NDUFAF7: variants seen among roughly 807,000 people sequenced by gnomAD.
NDUFAF7 encodes protein arginine methyltransferase NDUFAF7, mitochondrial.
NDUFAF7 carries 48 observed loss-of-function variants against 47.2 expected under a neutral mutation model. The observed-to-expected ratio is 1.02, with a 90% CI of 0.81 to 1.29. NDUFAF7 has a LOEUF of 1.29. Ranked by LOEUF, NDUFAF7 falls within the 50% of genes most tolerant of loss-of-function variation. The pLI is 0.00. For synonymous variants in NDUFAF7, 217 were observed against 190.0 expected (o/e 1.14, Z -1.17); for missense variants, 635 against 537.6 (o/e 1.18, Z -1.79).
Position 37,232,272 on chromosome 2 carries a change from G to T in NDUFAF7, c.216+6G>T. 2 of 1,612,592 alleles carry T rather than the reference G, an allele frequency of 1.2e-6. No homozygotes were observed. Among genetic ancestry groups the T allele is most frequent in the South Asian group, 1.1e-5 (1 of 91,002 alleles). On this transcript the variant is annotated splice_donor_region_variant and intron_variant, in intron 2 of 9. Coordinates refer to ENST00000002125, the MANE Select transcript of NDUFAF7 (RefSeq NM_144736.5). ...TGTTGACTAATCCAGCCAAGGTATGGGTCGGGTAGCCCGAGGACTAGGCCC... is the reference window on the plus strand; with the variant it reads ...TGTTGACTAATCCAGCCAAGGTATGTGTCGGGTAGCCCGAGGACTAGGCCC...
chr2:37,253,476 T>C (rs941525399), downstream of NDUFAF7: 1 of 730,106 alleles, frequency 1.4e-6, no homozygotes. Flanking sequence ...GCGCTACTCA[T>C]AAGTATCTAC....
chr2:37,256,791 C>G (rs1667988749), downstream of NDUFAF7: 7 of 1,614,046 alleles, frequency 4.3e-6, no homozygotes, highest in Non-Finnish European at 5.1e-6. Flanking sequence ...ATAACTCCCA[C>G]TGACCACATA....
chr2:37,258,204 G>A (rs930644224), downstream of NDUFAF7, among the ~76,000 whole-genome samples: 1 of 152,202 alleles, frequency 6.6e-6, no homozygotes, highest in African/African-American at 2.4e-5. Flanking sequence ...CCTAGAAAAC[G>A]AAGTGAAGTT....
In NDUFAF7 at chr2:37,248,002, T is replaced by G. The variant is rs180675299; in HGVS notation, c.1111-133T>G. 1.7e-3 allele frequency: 1,335 copies of G among 780,690 alleles called. 11 individuals carry two copies. The highest frequency in any genetic ancestry group is 0.012 in the Admixed American group (544 of 46,032). 48.4% of individuals were successfully genotyped at this position (780,690 alleles called of 1,614,324 possible). ...TACATTTTTAATAAGTACTCTATGA[T>G]TCTCAGGCAGGTAATCAGAAGTCAC... On this transcript the variant is annotated intron_variant, in intron 9 of 9. Coordinates refer to ENST00000002125, the MANE Select transcript of NDUFAF7 (RefSeq NM_144736.5).
intron 7 of NDUFAF7, among the ~76,000 whole-genome samples, chr2:37,244,989 G>A (rs566173286): frequency 2.0e-5 from 3 of 152,330 alleles, no homozygotes; most frequent in Admixed American, 6.5e-5. Flanking sequence ...TTGAAGAGTA[G>A]CCTAAGATAG....
At chr2:37,238,597 A>T (rs1666037940) in intron 4 of NDUFAF7, among the ~76,000 whole-genome samples, 1 of 151,704 alleles carries the variant, frequency 6.6e-6, no homozygotes, top group Non-Finnish European at 1.5e-5. Context: ...TTTATATTAA[A>T]AAAAAAAAAA....
the NDUFAF7 span, chr2:37,268,570 G>A: frequency 4.0e-6 from 1 of 252,782 alleles, no homozygotes; most frequent in Non-Finnish European, 7.9e-6. Flanking sequence ...GAAGTATGTT[G>A]GGTAGCAGGA....
At chr2:37,256,228 T>C (rs568529513), downstream of NDUFAF7, among the ~76,000 whole-genome samples, 32 of 151,896 alleles carry the variant, frequency 2.1e-4, no homozygotes, top group South Asian at 6.7e-3. Flanking sequence ...TAGGGAGTAG[T>C]GGGAGATGAG....
chr2:37,260,141 G>GT, the NDUFAF7 span: 1 of 1,293,238 alleles, frequency 7.7e-7, no homozygotes, highest in Non-Finnish European at 1.1e-6. Flanking sequence ...TCCAGCCCAG[G>GT]TGACAGAGTA....
In NDUFAF7 at chr2:37,248,237, T is replaced by C. The variant is rs1342466579; in HGVS notation, c.1213T>C (p.Phe405Leu). ...PKKMGERFNF[F>L]ALLPHQRLQG... The stretch of plus-strand genomic sequence containing the variant: ...GAAGATGGGAGAGAGATTTAACTTT[T>C]TTGCCTTGCTACCTCATCAGAGACT... The change falls in exon 10 of 10, where the codon TTT becomes CTT. Residue 405 changes from phenylalanine to leucine, a missense_variant. Transcript: ENST00000002125. 2 of 1,613,884 alleles carry C rather than the reference T, an allele frequency of 1.2e-6. No homozygotes were observed. The highest frequency in any genetic ancestry group is 8.5e-7 in the Non-Finnish European group (1 of 1,179,902).
chr2:37,263,610 T>C, the NDUFAF7 span, among the ~76,000 whole-genome samples: 1 of 152,232 alleles, frequency 6.6e-6, no homozygotes, highest in South Asian at 2.1e-4. Context: ...TAAAGTGGCC[T>C]TCTTTCATTT....
the NDUFAF7 span, chr2:37,268,278 T>A: frequency 1.5e-5 from 7 of 469,872 alleles, 1 homozygote; most frequent in African/African-American, 2.0e-5. Flanking sequence ...ATGTGTGCAT[T>A]TTTGGTAAGA....
chr2:37,251,836 C>T (rs1277521596), downstream of NDUFAF7: 1 of 151,490 alleles, frequency 6.6e-6, no homozygotes, highest in Admixed American at 6.6e-5. Flanking sequence ...GAGTCCAAGA[C>T]CTCAGCAAAA....
At chr2:37,267,469 T>C in the NDUFAF7 span, 2 of 1,610,910 alleles carry the variant, frequency 1.2e-6, no homozygotes, top group South Asian at 2.2e-5. Context: ...GACTTTCTTG[T>C]TTTGTGGGGA....
downstream of NDUFAF7, chr2:37,254,290 C>CT (rs749788215): frequency 2.5e-6 from 4 of 1,611,324 alleles, no homozygotes; most frequent in Non-Finnish European, 3.4e-6. Flanking sequence ...AGATCAATTG[C>CT]TAAGGGAAAA....
At chr2:37,246,435 A>G (rs575990273) in intron 8 of NDUFAF7, among the ~76,000 whole-genome samples, 2 of 152,212 alleles carry the variant, frequency 1.3e-5, no homozygotes, top group Admixed American at 1.3e-4. Flanking sequence ...TGTAGAACCT[A>G]TGTTTATATA....
chr2:37,239,480 G>A (rs1666137988), intron 4 of NDUFAF7, among the ~76,000 whole-genome samples: 1 of 152,044 alleles, frequency 6.6e-6, no homozygotes, highest in Non-Finnish European at 1.5e-5. Flanking sequence ...TTCTTATATT[G>A]TATGACCCAG....
In NDUFAF7 at chr2:37,243,985, CTTTT is replaced by C. The variant is rs780388695; in HGVS notation, c.792+15_792+18del. On this transcript the variant is annotated intron_variant, in intron 7 of 9. Coordinates refer to ENST00000002125, the MANE Select transcript of NDUFAF7 (RefSeq NM_144736.5). ...AAGCCTTCATACAAGTAAGAATATG[CTTTT>C]TTAAGTTTCTTTTATTGCTCACAGA... 3.2e-6 allele frequency: 5 copies of C among 1,579,570 alleles called. No individual in the cohort carries two copies. The African/African-American group carries it at 4.0e-5, about 13-fold the overall frequency.
chr2:37,245,995 A>G, intron 7 of NDUFAF7, 57 bp from the exon 8 acceptor site: 1 of 1,590,400 alleles, frequency 6.3e-7, no homozygotes, highest in South Asian at 1.1e-5. Flanking sequence ...GAAAAACCGT[A>G]AGGAAGTCAT....
Sources: gnomAD v4.1 joint callset for allele counts (sites outside exome capture counted in the v4.1 genomes callset) on GRCh38, gnomAD v4.1.1 for gene constraint, MANE v1.5 for transcripts, NCBI Gene and HGNC (gene_info 2026-07-23, HGNC 2026-07-21) for gene names.